Variants in SPTB observed in about 807,000 individuals in gnomAD.
SPTB encodes spectrin beta chain, erythrocytic.
SPTB carries 45 observed loss-of-function variants against 256.2 expected under a neutral mutation model. The ratio of observed to expected loss-of-function variants is 0.18; its 90% CI spans 0.14 to 0.23. The LOEUF is 0.23. Ranked by LOEUF, SPTB falls within the 10% of genes least tolerant of loss-of-function variation. SPTB has a pLI of 1.00. For missense variants in SPTB, 2,715 were observed against 3,040.4 expected (o/e 0.89, Z 2.52); for synonymous variants, 1,231 against 1,243.1 (o/e 0.99, Z 0.21).
Position 64,823,010 on chromosome 14 carries a change from C to T in SPTB, c.85G>A (p.Glu29Lys), listed in dbSNP as rs777962458. Residue 29 changes from glutamate (E) to lysine (K), a missense_variant, in exon 2 of 36, where the codon GAG (glutamate) becomes AAG (lysine). Glu to Lys is a moderately conservative substitution (Grantham distance 56, BLOSUM62 1). Coordinates refer to ENST00000644917, the MANE Select transcript of SPTB (RefSeq NM_001355436.2). This position sits in a 1 kb window ranked among gnomAD's most constrained non-coding sequence, Gnocchi z 6.5. ...INARWDAPDD[E>K]LDNDNSSARL... ...GCTGAGCTGTTGTCATTATCCAGCT[C>T]GTCGTCTGGGGCGTCCCAGCGGGCA... 13 of 1,614,108 alleles carry T rather than the reference C, an allele frequency of 8.1e-6. No homozygotes were observed. The highest frequency in any genetic ancestry group is 4.5e-5 in the East Asian group (2 of 44,876).
intron 19 of SPTB, among the ~76,000 whole-genome samples, chr14:64,782,787 T>C (rs1412186088): frequency 8.7e-6 from 1 of 114,836 alleles, no homozygotes; most frequent in Admixed American, 9.4e-5. Context: ...GAGACACACA[T>C]AAAATACATT....
chr14:64,747,612 A>G lies in SPTB; in HGVS notation c.*1694T>C, dbSNP rs1039721756. On this transcript the variant is annotated 3_prime_UTR_variant, in exon 36 of 36. Transcript: ENST00000644917. ...CAGGGTGGAACTGATTTCTGCCGGC[A>G]CTGGTCAGCACTCAGGGTTCCTCAG... 1 of 152,214 alleles carries G rather than the reference A, an allele frequency of 6.6e-6. No individual in the cohort carries two copies. The highest frequency in any genetic ancestry group is 1.5e-5 in the Non-Finnish European group (1 of 68,038). 9.4% of individuals were successfully genotyped at this position (152,214 alleles called of 1,614,324 possible). A position where few individuals can be genotyped will look rare whatever the true frequency, so the allele number is the denominator to read the frequency against.
intron 1 of SPTB, among the ~76,000 whole-genome samples, chr14:64,859,906 G>GA (rs61422985): frequency 0.061 from 9,256 of 151,828 alleles, 872 homozygotes; most frequent in East Asian, 0.5. Flanking sequence ...TTTGTGATCA[G>GA]AAAAAAAAAA....
At position 64,791,285 on chromosome 14, in the gene SPTB, G is replaced by A. The variant is rs139224712; in HGVS notation, c.2804+434C>T. 6.5e-3 allele frequency among the ~76,000 whole-genome samples: 987 copies of A among 152,242 alleles called. 13 individuals carry two copies. The highest frequency in any genetic ancestry group is 0.021 in the African/African-American group (879 of 41,538). On this transcript the variant is annotated intron_variant, in intron 15 of 35. Transcript: ENST00000644917. ...TGTGGCTGAGACAGACAGGAATGTCGGTGGGGGCGCGGTGGCTTATGCCTG... is the reference window on the plus strand; with the variant it reads ...TGTGGCTGAGACAGACAGGAATGTCAGTGGGGGCGCGGTGGCTTATGCCTG...
Position 64,779,093 on chromosome 14 carries a change from C to A in SPTB, c.4563+64G>T, listed in dbSNP as rs577437363. The A allele has an allele frequency of 3.6e-6, 5 of 1,386,000 alleles. No homozygotes were observed. In the African/African-American group the frequency reaches 5.8e-5, roughly 16 times the overall value. The allele number at this position is 1,386,000 out of a possible 1,614,324, so 85.9% of individuals were successfully genotyped here. A position where few individuals can be genotyped will look rare whatever the true frequency, so the allele number is the denominator to read the frequency against. On this transcript the variant is annotated intron_variant, in intron 22 of 35. Coordinates refer to ENST00000644917, the MANE Select transcript of SPTB (RefSeq NM_001355436.2). The surrounding 1 kb of genome is among the most constrained non-coding windows in gnomAD (Gnocchi z 4.2). ...TTCTGCAGGTCAGGGCTGGGCCTAC[C>A]CCCGTGGGGCCAGGTGGGGGTGAGG...
At chr14:64,871,148 T>C (rs574788016) in intron 1 of SPTB, among the ~76,000 whole-genome samples, 2 of 152,254 alleles carry the variant, frequency 1.3e-5, no homozygotes, top group African/African-American at 4.8e-5. Flanking sequence ...TTTGTGATTA[T>C]GTTCAAATAG....
chr14:64,792,895 C>G lies in SPTB; in HGVS notation c.2666+102G>C, dbSNP rs1383986560. 6 of 1,547,176 alleles carry G rather than the reference C, an allele frequency of 3.9e-6. No homozygotes were observed. In the East Asian group the frequency reaches 1.1e-4, roughly 29 times the overall value. On this transcript the variant is annotated intron_variant, in intron 14 of 35. Transcript: ENST00000644917. The surrounding 1 kb of genome is among the most constrained non-coding windows in gnomAD (Gnocchi z 4.2). The stretch of plus-strand genomic sequence containing the variant: ...CAACAAAGGACATCCCAGGGCCTCT[C>G]AAAGAGACCTTTGCTGATCCAGAGA...
chr14:64,837,807 G>A (rs1471629026), intron 1 of SPTB, among the ~76,000 whole-genome samples: 2 of 152,052 alleles, frequency 1.3e-5, no homozygotes, highest in South Asian at 2.1e-4. Flanking sequence ...CACCATGTTG[G>A]CCAGGCAGGT....
chr14:64,793,990 G>A lies in SPTB; in HGVS notation c.1796-123C>T, dbSNP rs2082723020. 2 of 939,156 alleles carry A rather than the reference G, an allele frequency of 2.1e-6. No individual in the cohort carries two copies. Among genetic ancestry groups the A allele is most frequent in the Admixed American group, 2.8e-5 (1 of 35,716 alleles). 58.2% of individuals were successfully genotyped at this position (939,156 alleles called of 1,614,324 possible). ...AGCTGCCATGTCACTGGGGCTTTGG[G>A]GTTGGATGCAGGGGGGTCCCAGTTG... On this transcript the variant is annotated intron_variant, in intron 13 of 35. Coordinates refer to ENST00000644917, the MANE Select transcript of SPTB (RefSeq NM_001355436.2). This position sits in a 1 kb window ranked among gnomAD's most constrained non-coding sequence, Gnocchi z 7.0.
At chr14:64,765,547 G>T (rs35752616) in intron 32 of SPTB, among the ~76,000 whole-genome samples, 1 of 152,080 alleles carries the variant, frequency 6.6e-6, no homozygotes, top group African/African-American at 2.4e-5. Context: ...CCTCCTTTCC[G>T]ACAAGTTGGG....
At position 64,777,392 on chromosome 14, in the gene SPTB, G is replaced by A; in HGVS notation, c.4563+1765C>T. Among the ~76,000 whole-genome samples the A allele has an allele frequency of 6.6e-6, 1 of 152,180 alleles. No homozygotes were observed. Among genetic ancestry groups the A allele is most frequent in the East Asian group, 1.9e-4 (1 of 5,194 alleles). On this transcript the variant is annotated intron_variant, in intron 22 of 35. Transcript: ENST00000644917. This position sits in a 1 kb window ranked among gnomAD's most constrained non-coding sequence, Gnocchi z 4.5. ...TCCAGGGAAACAGATGCAGCTAGGG[G>A]CCTACCCCCAGAGATCCTAATTGAT...
Position 64,793,207 on chromosome 14 carries a change from A to G in SPTB, c.2456T>C (p.Val819Ala). The change falls in exon 14 of 36, where the codon GTG becomes GCG. Residue 819 changes from valine to alanine, a missense_variant. Coordinates refer to ENST00000644917, the MANE Select transcript of SPTB (RefSeq NM_001355436.2). The surrounding 1 kb of genome is among the most constrained non-coding windows in gnomAD (Gnocchi z 7.0). ...FPEEFRDSPD[V>A]THRLQALREL... The stretch of plus-strand genomic sequence containing the variant: ...CCGCAGGGCCTGCAGCCGATGGGTC[A>G]CATCTGGGGAATCCCGAAACTCTTC... 6.2e-7 allele frequency: 1 copy of G among 1,612,484 alleles called. No individual in the cohort carries two copies. The highest frequency in any genetic ancestry group is 8.5e-7 in the Non-Finnish European group (1 of 1,180,040).
intron 1 of SPTB, among the ~76,000 whole-genome samples, chr14:64,851,307 C>T (rs1466030846): frequency 6.6e-6 from 1 of 152,228 alleles, no homozygotes; most frequent in African/African-American, 2.4e-5. Flanking sequence ...AAAATAGCCT[C>T]TCTGTGCCTT....
chr14:64,850,213 G>A (rs1200044197), intron 1 of SPTB, among the ~76,000 whole-genome samples: 4 of 152,082 alleles, frequency 2.6e-5, no homozygotes, highest in South Asian at 2.1e-4. Flanking sequence ...ACTAAGCATC[G>A]GATGCCTTAC....
intron 33 of SPTB, among the ~76,000 whole-genome samples, chr14:64,752,990 G>C (rs2139429831): frequency 6.6e-6 from 1 of 152,212 alleles, no homozygotes; most frequent in South Asian, 2.1e-4. Flanking sequence ...CGGGGTCATA[G>C]AGTCACCAGA....
rs772193873 is a variant in SPTB, at chr14:64,847,777, T to C, written c.-51-24632A>G. On this transcript the variant is annotated intron_variant, in intron 1 of 35. Transcript: ENST00000644917. The surrounding 1 kb of genome is among the most constrained non-coding windows in gnomAD (Gnocchi z 5.9). ...ATGCCTAACACAGCATGCCACCCTT[T>C]GCTGTCGTGTCAGCCAGCACAGAGC... 6.6e-6 allele frequency among the ~76,000 whole-genome samples: 1 copy of C among 152,208 alleles called. No homozygotes were observed. Among genetic ancestry groups the C allele is most frequent in the Non-Finnish European group, 1.5e-5 (1 of 68,032 alleles).
At chr14:64,766,371 G>A in intron 32 of SPTB, 1 of 1,296,598 alleles carries the variant, frequency 7.7e-7, no homozygotes, top group Non-Finnish European at 9.8e-7. Context: ...AAAGGACGGT[G>A]TACAGAAATG....
At position 64,822,904 on chromosome 14, in the gene SPTB, G is replaced by T. The variant is rs1418305167; in HGVS notation, c.148+43C>A. ...AGGTGGGGAGGGCTGTGAACCTTGT[G>T]ACTGTGAGAATGCCCTCCAACCCTT... On this transcript the variant is annotated intron_variant, in intron 2 of 35. Transcript: ENST00000644917. 2.5e-6 allele frequency: 4 copies of T among 1,611,768 alleles called. No individual in the cohort carries two copies. In the Admixed American group the frequency reaches 5.0e-5, roughly 20 times the overall value.
intron 2 of SPTB, 142 bp downstream of exon 2, chr14:64,822,805 T>A: frequency 1.5e-6 from 2 of 1,311,948 alleles, no homozygotes; most frequent in Non-Finnish European, 2.2e-6. Context: ...GACCCCCACC[T>A]CCCTGAGCCC....
Sources: gnomAD v4.1 joint callset for allele counts (sites outside exome capture counted in the v4.1 genomes callset) on GRCh38, gnomAD v4.1.1 for gene constraint, Gnocchi (gnomAD v3.1) non-coding constraint, MANE v1.5 for transcripts, NCBI Gene and HGNC (gene_info 2026-07-23, HGNC 2026-07-21) for gene names.